NFIX: variants seen among roughly 807,000 people sequenced by gnomAD.
The protein encoded by NFIX is nuclear factor I X.
Under a neutral mutation model 53.3 loss-of-function variants are expected in NFIX, and 2 were observed. The observed-to-expected ratio is 0.04, with a 90% CI of 0.02 to 0.12. NFIX has a LOEUF of 0.12. Among genes scored for constraint, NFIX ranks in the 10% least tolerant of loss-of-function variants. NFIX has a pLI of 1.00. For missense variants in NFIX, 310 were observed against 674.5 expected, an observed-to-expected ratio of 0.46 and a Z score of 5.99; for synonymous variants, 244 against 289.0, an observed-to-expected ratio of 0.84 and a Z score of 1.58.
chr19:13,071,322 A>T (rs1357359642), intron 2 of NFIX: 1 of 152,242 alleles, frequency 6.6e-6, no homozygotes, highest in Non-Finnish European at 1.5e-5. Flanking sequence ...TCAGACCCAG[A>T]AACCCAGCAA....
rs2017909274 is a variant in NFIX, at chr19:13,088,247, A to G, written c.1402+111A>G. On this transcript the variant is annotated intron_variant, in intron 9 of 10. Transcript: ENST00000592199. The surrounding 1 kb of genome is among the most constrained non-coding windows in gnomAD (Gnocchi z 5.9). ...CCCTCCCCACCACCAAAGCCCCCCA[A>G]CCCAGAGCACCATGGACAAGAGCAG... is the stretch of plus-strand genomic sequence containing the variant. 3 of 1,217,378 alleles carry G rather than the reference A, an allele frequency of 2.5e-6. No homozygotes were observed. Among genetic ancestry groups the G allele is most frequent in the South Asian group, 1.5e-5 (1 of 68,586 alleles). The allele number at this position is 1,217,378 out of a possible 1,614,324, so 75.4% of individuals were successfully genotyped here.
Position 13,073,002 on chromosome 19 carries a change from G to A in NFIX, c.560-45G>A, listed in dbSNP as rs771694470. 6.3e-7 allele frequency: 1 copy of A among 1,589,322 alleles called. No homozygotes were observed. The highest frequency in any genetic ancestry group is 8.6e-7 in the Non-Finnish European group (1 of 1,157,586). On this transcript the variant is annotated intron_variant, in intron 2 of 10. Coordinates refer to ENST00000592199, the MANE Select transcript of NFIX (RefSeq NM_001365902.3). The surrounding 1 kb of genome is among the most constrained non-coding windows in gnomAD (Gnocchi z 4.5). ...GCCAATGCTTGGCTGGTGCTTATGG[G>A]GAACTTTGCTCCTGATACATTCTCC...
rs193278926 is a variant in NFIX, at chr19:13,040,095, A to T, written c.559+14543A>T. Among the ~76,000 whole-genome samples, 128 of 152,102 alleles carry T rather than the reference A, an allele frequency of 8.4e-4. No individual in the cohort carries two copies. Among genetic ancestry groups the T allele is most frequent in the Non-Finnish European group, 1.5e-3 (103 of 67,990 alleles). On this transcript the variant is annotated intron_variant, in intron 2 of 10. Transcript: ENST00000592199. The surrounding 1 kb of genome is among the most constrained non-coding windows in gnomAD (Gnocchi z 4.2). Reference sequence around the variant, plus strand: ...GCTGTGGGTTAATGGGTTCAAAGAGACTTGGTTTTTCAAAATACTTGTTTT... The same window carrying T: ...GCTGTGGGTTAATGGGTTCAAAGAGTCTTGGTTTTTCAAAATACTTGTTTT...
rs1285622491 is a variant in NFIX, at chr19:13,094,418, G to A, written c.1495-217G>A. Among the ~76,000 whole-genome samples, 4 of 152,248 alleles carry A rather than the reference G, an allele frequency of 2.6e-5. No individual in the cohort carries two copies. Among genetic ancestry groups the A allele is most frequent in the Non-Finnish European group, 5.9e-5 (4 of 68,046 alleles). On this transcript the variant is annotated intron_variant, in intron 10 of 10. Coordinates refer to ENST00000592199, the MANE Select transcript of NFIX (RefSeq NM_001365902.3). The surrounding 1 kb of genome is among the most constrained non-coding windows in gnomAD (Gnocchi z 4.3). ...GAAGGCCAGCTGGACTCTAGCACTA[G>A]GGGCAGAGTCTCTGAGGGGGCGGGG...
rs1381457315 is a variant in NFIX, at chr19:13,053,996, C to CAGCGGCATTCTTTGCGTGTTTCCTG, written c.560-19047_560-19023dup. Among the ~76,000 whole-genome samples, 83 of 152,336 alleles carry CAGCGGCATTCTTTGCGTGTTTCCTG rather than the reference C, an allele frequency of 5.4e-4. 1 individual carries two copies. Among genetic ancestry groups the CAGCGGCATTCTTTGCGTGTTTCCTG allele is most frequent in the South Asian group, 5.0e-3 (24 of 4,828 alleles). On this transcript the variant is annotated intron_variant, in intron 2 of 10. Coordinates refer to ENST00000592199, the MANE Select transcript of NFIX (RefSeq NM_001365902.3). The stretch of plus-strand genomic sequence containing the variant: ...TGGTCCTGGCCTACTGGCCTGCGGC[C>CAGCGGCATTCTTTGCGTGTTTCCTG]AGCGGCATTCTTTGCGTGTTTCCTG...
chr19:13,035,091 G>A (rs1262497124), intron 2 of NFIX, among the ~76,000 whole-genome samples: 1 of 152,162 alleles, frequency 6.6e-6, no homozygotes, highest in Non-Finnish European at 1.5e-5. Flanking sequence ...AGTTCCCTGG[G>A]AACAGAATCA....
At position 13,051,545 on chromosome 19, in the gene NFIX, C is replaced by G. The variant is rs1378010851; in HGVS notation, c.560-21502C>G. Among the ~76,000 whole-genome samples the G allele has an allele frequency of 6.6e-6, 1 of 152,176 alleles. No homozygotes were observed. Among genetic ancestry groups the G allele is most frequent in the African/African-American group, 2.4e-5 (1 of 41,430 alleles). ...TCAGCCAGTGACATCTCCCCCGTAC[C>G]CAGGCCAGTGAGCCAGATTTTTTTC... On this transcript the variant is annotated intron_variant, in intron 2 of 10. Transcript: ENST00000592199. This position sits in a 1 kb window ranked among gnomAD's most constrained non-coding sequence, Gnocchi z 5.1.
In NFIX at chr19:13,066,866, C is replaced by T. The variant is rs979629590; in HGVS notation, c.560-6181C>T. 2.6e-5 allele frequency among the ~76,000 whole-genome samples: 4 copies of T among 152,110 alleles called. No homozygotes were observed. The highest frequency in any genetic ancestry group is 4.8e-5 in the African/African-American group (2 of 41,426). On this transcript the variant is annotated intron_variant, in intron 2 of 10. Transcript: ENST00000592199. The surrounding 1 kb of genome is among the most constrained non-coding windows in gnomAD (Gnocchi z 4.2). ...CCCAGACCCTGGCCAAGCCTCATCC[C>T]CCGGCCCTCTGGCTGCCCTGCATTC...
At chr19:13,058,370 G>C (rs995037655) in intron 2 of NFIX, among the ~76,000 whole-genome samples, 3 of 152,080 alleles carry the variant, frequency 2.0e-5, no homozygotes, top group African/African-American at 7.2e-5. Flanking sequence ...ATGTGCGCTG[G>C]GCGCAGGAGC....
intron 1 of NFIX, among the ~76,000 whole-genome samples, chr19:13,023,500 T>A (rs1361018503): frequency 6.6e-6 from 1 of 152,126 alleles, no homozygotes; most frequent in Non-Finnish European, 1.5e-5. Flanking sequence ...GCCTTTTTCT[T>A]CAGCTGCCGC....
chr19:13,078,849 C>A lies in NFIX; in HGVS notation c.1078+114C>A. ...CCCCGAGTGACAGCCCCACGCTCTC[C>A]AAGTGGGCCAAGGTGCAGCAGCGGG... On this transcript the variant is annotated intron_variant, in intron 7 of 10. Coordinates refer to ENST00000592199, the MANE Select transcript of NFIX (RefSeq NM_001365902.3). This position sits in a 1 kb window ranked among gnomAD's most constrained non-coding sequence, Gnocchi z 4.7. The A allele has an allele frequency of 1.6e-6, 2 of 1,245,284 alleles. No individual in the cohort carries two copies. The highest frequency in any genetic ancestry group is 2.2e-6 in the Non-Finnish European group (2 of 918,686). 77.1% of individuals were successfully genotyped at this position (1,245,284 alleles called of 1,614,324 possible).
Position 13,087,922 on chromosome 19 carries a change from C to T in NFIX, c.1255-67C>T, listed in dbSNP as rs1300746550. The T allele has an allele frequency of 1.0e-5, 16 of 1,524,836 alleles. No individual in the cohort carries two copies. In the East Asian group the frequency reaches 1.2e-4, roughly 12 times the overall value. 94.5% of individuals were successfully genotyped at this position (1,524,836 alleles called of 1,614,324 possible). A position where few individuals can be genotyped will look rare whatever the true frequency, so the allele number is the denominator to read the frequency against. On this transcript the variant is annotated intron_variant, in intron 8 of 10. Coordinates refer to ENST00000592199, the MANE Select transcript of NFIX (RefSeq NM_001365902.3). ...GCTCTCAGGAGCGAGCTGGCGCGGC[C>T]GCGCAGGGGAGCGTGTGTCTGTGTG...
rs113303171 is a variant in NFIX, at chr19:13,007,686, G to A, written c.27+11822G>A. On this transcript the variant is annotated intron_variant, in intron 1 of 10. Transcript: ENST00000592199. ...CCCAGATGGGGCAAGGGACTTCGGA[G>A]GAACCGGTTTAATGCCCTCCCCCCC... Among the ~76,000 whole-genome samples the A allele has an allele frequency of 5.0e-3, 758 of 152,258 alleles. 6 individuals are homozygous for A. Among genetic ancestry groups the A allele is most frequent in the African/African-American group, 0.017 (726 of 41,554 alleles).
At chr19:13,071,837 C>T (rs2016795456) in intron 2 of NFIX, among the ~76,000 whole-genome samples, 1 of 152,164 alleles carries the variant, frequency 6.6e-6, no homozygotes. Context: ...TGCATCCTGC[C>T]CTCCAGCCCC....
intron 2 of NFIX, among the ~76,000 whole-genome samples, chr19:13,042,345 C>G (rs920395045): frequency 7.5e-6 from 1 of 133,058 alleles, no homozygotes; most frequent in Non-Finnish European, 1.6e-5. Flanking sequence ...TAAAAACATG[C>G]TTTTACATGC....
Position 13,014,614 on chromosome 19 carries a change from T to C in NFIX, c.28-10407T>C, listed in dbSNP as rs1174968978. 2 of 152,274 alleles carry C rather than the reference T, an allele frequency of 1.3e-5. No individual in the cohort carries two copies. The highest frequency in any genetic ancestry group is 4.8e-5 in the African/African-American group (2 of 41,466). The allele number at this position is 152,274 out of a possible 1,614,324, so 9.4% of individuals were successfully genotyped here. A position where few individuals can be genotyped will look rare whatever the true frequency, so the allele number is the denominator to read the frequency against. ...ACAGTTCTTTCTTTCCAGCCCCATA[T>C]GCAATAGGAAGAGAAAATGCAGTCT... is the stretch of plus-strand genomic sequence containing the variant. On this transcript the variant is annotated intron_variant, in intron 1 of 10. Transcript: ENST00000592199. This position sits in a 1 kb window ranked among gnomAD's most constrained non-coding sequence, Gnocchi z 4.4.
At chr19:13,091,187 T>G (rs1171704465) in intron 10 of NFIX, among the ~76,000 whole-genome samples, 1 of 152,046 alleles carries the variant, frequency 6.6e-6, no homozygotes, top group East Asian at 1.9e-4. Context: ...AAAAAGAACA[T>G]GCAAAGATCT....
In NFIX at chr19:13,022,594, GA is replaced by G. The variant is rs58733329; in HGVS notation, c.28-2416del. ...CTCGCCCCTGTGTGCTCCATAGGAAGAAAAAAAAAAAGAAAGAAAGAAATAG... is the reference window on the plus strand; with the variant it reads ...CTCGCCCCTGTGTGCTCCATAGGAAGAAAAAAAAAAGAAAGAAAGAAATAG... On this transcript the variant is annotated intron_variant, in intron 1 of 10. Coordinates refer to ENST00000592199, the MANE Select transcript of NFIX (RefSeq NM_001365902.3). This position sits in a 1 kb window ranked among gnomAD's most constrained non-coding sequence, Gnocchi z 4.5. Among the ~76,000 whole-genome samples, 2,085 of 141,966 alleles carry G rather than the reference GA, an allele frequency of 0.015. 35 individuals are homozygous for G. Among genetic ancestry groups the G allele is most frequent in the African/African-American group, 0.047 (1,839 of 38,764 alleles). The allele number at this position is 141,966 out of a possible 152,430, so 93.1% of individuals were successfully genotyped here. A position where few individuals can be genotyped will look rare whatever the true frequency, so the allele number is the denominator to read the frequency against.
At chr19:13,030,908 G>A (rs116196565) in intron 2 of NFIX, among the ~76,000 whole-genome samples, 3,273 of 152,326 alleles carry the variant, frequency 0.021, 68 homozygotes, top group African/African-American at 0.053. Context: ...TTAACCAAGC[G>A]TGGGGGGCAC....
Sources: allele counts gnomAD v4.1 joint callset (sites outside exome capture counted in the v4.1 genomes callset), GRCh38; gene constraint gnomAD v4.1.1; non-coding constraint Gnocchi (gnomAD v3.1); transcripts MANE v1.5; gene names NCBI Gene and HGNC (gene_info 2026-07-23, HGNC 2026-07-21).